Variants in MANBA observed in about 807,000 individuals in gnomAD.
The protein encoded by MANBA is mannosidase beta.
A neutral mutation model predicts 111.1 loss-of-function variants in MANBA; 83 were observed. The observed-to-expected ratio is 0.75, with a 90% confidence interval of 0.63 to 0.90. The LOEUF is 0.90. Ranked by LOEUF, MANBA falls within the 40% of genes least tolerant of loss-of-function variation. MANBA has a pLI of 0.00. For missense variants in MANBA, 1,036 were observed against 1,069.0 expected, an observed-to-expected ratio of 0.97 and a Z score of 0.43; for synonymous variants, 370 against 378.7, an observed-to-expected ratio of 0.98 and a Z score of 0.27.
intron 5 of MANBA, among the ~76,000 whole-genome samples, chr4:102,700,337 G>T (rs1459053225): frequency 7.9e-6 from 1 of 126,598 alleles, no homozygotes; most frequent in South Asian, 2.6e-4. Context: ...TTTTTGAAGG[G>T]TTTTTTGTGT....
intron 4 of MANBA, 93 bp from the exon 5 acceptor site, chr4:102,714,654 G>A (rs1009044352): frequency 3.2e-5 from 41 of 1,269,582 alleles, no homozygotes; most frequent in Non-Finnish European, 4.5e-5. Context: ...TTACATATGT[G>A]TATATAAGTT....
rs149688803 is a variant in MANBA at position 102,651,883 on chromosome 4, G to A, written c.1705-1182C>T. On this transcript the variant is annotated intron_variant, in intron 12 of 16. Coordinates refer to ENST00000647097, the MANE Select transcript of MANBA (RefSeq NM_005908.4). ...AGAGATTCACATTGACAATCATCTC[G>A]CACACTTTTTAGACACACATCCTTT... Among the ~76,000 whole-genome samples the A allele has an allele frequency of 8.2e-4, 124 of 152,110 alleles. 1 individual carries two copies. Among genetic ancestry groups the A allele is most frequent in the African/African-American group, 2.8e-3 (116 of 41,506 alleles).
chr4:102,734,565 G>A, intron 1 of MANBA: 1 of 1,608,026 alleles, frequency 6.2e-7, no homozygotes, highest in Non-Finnish European at 8.5e-7. Flanking sequence ...CAAGGCTACT[G>A]TTCCTTCTGT....
At chr4:102,734,375 C>G in intron 1 of MANBA, 1 of 1,610,018 alleles carries the variant, frequency 6.2e-7, no homozygotes, top group South Asian at 1.1e-5. Context: ...CTGACCTAGA[C>G]TTCTCACCTC....
intron 4 of MANBA, among the ~76,000 whole-genome samples, chr4:102,715,571 C>G (rs1457941701): frequency 1.3e-5 from 2 of 152,102 alleles, no homozygotes; most frequent in Non-Finnish European, 2.9e-5. Context: ...GGGGGTTTGT[C>G]ATAGAGATTA....
intron 1 of MANBA, chr4:102,730,152 TG>T: frequency 2.5e-6 from 3 of 1,182,020 alleles, no homozygotes; most frequent in Non-Finnish European, 2.3e-6. Context: ...GTAGGACTTC[TG>T]GGTCACCCTG....
At chr4:102,708,737 A>T (rs1031350290) in intron 5 of MANBA, among the ~76,000 whole-genome samples, 3 of 152,030 alleles carry the variant, frequency 2.0e-5, no homozygotes, top group African/African-American at 7.2e-5. Flanking sequence ...AACAAGATTG[A>T]TAAACCCCTA....
intron 5 of MANBA, among the ~76,000 whole-genome samples, chr4:102,708,548 A>G (rs1721857845): frequency 6.6e-6 from 1 of 152,132 alleles, no homozygotes; most frequent in Non-Finnish European, 1.5e-5. Flanking sequence ...ACATCCAAAA[A>G]GTAGAAAGAT....
intron 7 of MANBA, among the ~76,000 whole-genome samples, chr4:102,676,307 A>G (rs1009172139): frequency 2.6e-5 from 4 of 152,218 alleles, no homozygotes; most frequent in Non-Finnish European, 5.9e-5. Context: ...ATTTAAACTT[A>G]TACATGATAA....
chr4:102,710,040 C>T (rs534513972), intron 5 of MANBA, among the ~76,000 whole-genome samples: 1 of 152,048 alleles, frequency 6.6e-6, no homozygotes, highest in Admixed American at 6.5e-5. Context: ...ATATAAAAAC[C>T]CAGAGCTAAC....
chr4:102,693,058 A>AT (rs756044285), intron 5 of MANBA, among the ~76,000 whole-genome samples: 3 of 152,158 alleles, frequency 2.0e-5, no homozygotes, highest in Non-Finnish European at 4.4e-5. Context: ...CTTAAGAACT[A>AT]TTTTTGTTTA....
At chr4:102,697,374 A>T (rs1472393033) in intron 5 of MANBA, among the ~76,000 whole-genome samples, 3 of 152,032 alleles carry the variant, frequency 2.0e-5, no homozygotes, top group Admixed American at 6.6e-5. Context: ...TTATTATTAT[A>T]CTTTAAGTTT....
chr4:102,726,497 A>AAC (rs1163827795), intron 2 of MANBA, 92 bp downstream of exon 2: 3 of 768,876 alleles, frequency 3.9e-6, no homozygotes, highest in Non-Finnish European at 6.6e-6. Context: ...TACAAAACAA[A>AAC]AAAAAAACAA....
intron 13 of MANBA, among the ~76,000 whole-genome samples, chr4:102,643,247 C>A (rs540196601): frequency 6.6e-6 from 1 of 152,226 alleles, no homozygotes; most frequent in South Asian, 2.1e-4. Context: ...CTTTTTATTT[C>A]TGAATAATAT....
intron 16 of MANBA, among the ~76,000 whole-genome samples, chr4:102,632,966 C>T (rs890215271): frequency 3.3e-5 from 5 of 152,176 alleles, no homozygotes; most frequent in Non-Finnish European, 7.3e-5. Context: ...TGTGTGAGCA[C>T]GGAGCTGAGT....
Position 102,723,920 on chromosome 4 carries a change from G to T in MANBA, c.320C>A (p.Ser107Ter), listed in dbSNP as rs1054688954. Residue 107 changes from serine to a stop codon, truncating the protein, a stop_gained, in exon 3 of 17, where the codon TCA (serine) becomes TAA (stop). Transcript: ENST00000647097. LOFTEE classifies it high-confidence loss of function. ...NLILEGVDTV[S>*]KILFNEVTIG... ...AGTGACTTCATTGAACAGGATTTTT[G>T]AAACCGTATCCACTCCCTCAAGAAT... 1.9e-6 allele frequency: 3 copies of T among 1,611,386 alleles called. No individual in the cohort carries two copies. Among genetic ancestry groups the T allele is most frequent in the African/African-American group, 1.3e-5 (1 of 74,688 alleles).
intron 1 of MANBA, 98 bp from the exon 2 acceptor site, chr4:102,726,781 C>T: frequency 1.4e-6 from 1 of 728,446 alleles, no homozygotes; most frequent in South Asian, 1.5e-5. Context: ...AGCTATTTAT[C>T]ACCTAAAAAT....
In MANBA at chr4:102,632,178, C is replaced by G. The variant is rs1425633104; in HGVS notation, c.2519G>C (p.Ser840Thr). The change falls in exon 17 of 17, where the codon AGT becomes ACT. Residue 840 changes from serine (S) to threonine (T), a missense_variant. Transcript: ENST00000647097. ...LDVGSIPGRF[S>T]DNGFLMTEKT... ...CTCAGTCATGAGGAAACCATTGTCA[C>G]TAAATCTCCCTGGGATGCTTCCTAC... 1 of 1,613,344 alleles carries G rather than the reference C, an allele frequency of 6.2e-7. No individual in the cohort carries two copies. The highest frequency in any genetic ancestry group is 8.5e-7 in the Non-Finnish European group (1 of 1,179,286).
chr4:102,704,712 AC>A (rs1461495929), intron 5 of MANBA, among the ~76,000 whole-genome samples: 1 of 152,004 alleles, frequency 6.6e-6, no homozygotes, highest in Non-Finnish European at 1.5e-5. Flanking sequence ...ATCAGTGATA[AC>A]TGCTGTCTTC....
Sources: gnomAD v4.1 joint callset for allele counts (sites outside exome capture counted in the v4.1 genomes callset) on GRCh38, gnomAD v4.1.1 for gene constraint, MANE v1.5 for transcripts, NCBI Gene and HGNC (gene_info 2026-07-23, HGNC 2026-07-21) for gene names.